ARAP1: variants seen among roughly 807,000 people sequenced by gnomAD.
The protein encoded by ARAP1 is ArfGAP with RhoGAP domain, ankyrin repeat and PH domain 1.
ARAP1 carries 76 observed loss-of-function variants against 172.2 expected under a neutral mutation model. The ratio of observed to expected loss-of-function variants is 0.44; its 90% CI spans 0.37 to 0.53. ARAP1 has a LOEUF of 0.53. ARAP1 is among the 20% of genes least tolerant of loss of function. ARAP1 has a pLI of 0.00. For synonymous variants in ARAP1, 804 were observed against 803.3 expected, an observed-to-expected ratio of 1.00 and a Z score of -0.01; for missense variants, 1,686 against 1,977.5, an observed-to-expected ratio of 0.85 and a Z score of 2.80.
chr11:72,709,824 T>C lies in ARAP1; in HGVS notation c.1523+46A>G, dbSNP rs200617027. The C allele has an allele frequency of 2.4e-4, 378 of 1,591,476 alleles. 1 individual carries two copies. Among genetic ancestry groups the C allele is most frequent in the Non-Finnish European group, 3.1e-4 (357 of 1,160,622 alleles). On this transcript the variant is annotated intron_variant, in intron 11 of 34. Transcript: ENST00000393609. ...CCCACGTCGCGCAAAAGGAAAACAT[T>C]AGGAAGGAGTGAGGATGCCGGTGAG...
At chr11:72,715,474 G>T (rs1272354212) in intron 3 of ARAP1, among the ~76,000 whole-genome samples, 3 of 152,172 alleles carry the variant, frequency 2.0e-5, no homozygotes, top group African/African-American at 7.2e-5. Context: ...CCTGGGGTGT[G>T]GTCATGATGC....
chr11:72,714,459 GTCC>G, intron 3 of ARAP1, 138 bp from the exon 4 acceptor site: 1 of 847,944 alleles, frequency 1.2e-6, no homozygotes, highest in Non-Finnish European at 1.8e-6. Flanking sequence ...CCTGCACACA[GTCC>G]TCCTCAACTC....
chr11:72,709,395 G>A (rs754031871), intron 11 of ARAP1, among the ~76,000 whole-genome samples: 5 of 152,240 alleles, frequency 3.3e-5, no homozygotes, highest in African/African-American at 4.8e-5. Flanking sequence ...CAGAGGTAGC[G>A]GCTGAAGGCC....
chr11:72,721,517 A>G (rs1377649288), intron 3 of ARAP1, among the ~76,000 whole-genome samples: 1 of 152,132 alleles, frequency 6.6e-6, no homozygotes, highest in African/African-American at 2.4e-5. Context: ...AACCCCAAAG[A>G]GGAGTATTCT....
chr11:72,712,478 C>A lies in ARAP1; in HGVS notation c.838G>T (p.Asp280Tyr). ...GEELSGDDQG[D>Y]EEEDDHAYEG... ...TAGGCGTGGTCATCCTCTTCCTCAT[C>A]CCCTTGGTCGTCCCCAGACAGTTCC... The change falls in exon 6 of 35, where the codon GAT becomes TAT. Residue 280 changes from aspartate to tyrosine, a missense_variant. By Grantham distance (160) the Asp-to-Tyr change is radical (BLOSUM62 -3). This residue lies in a region of ARAP1 where 688 missense variants were observed against 856.9 expected (regional missense o/e 0.80). Transcript: ENST00000393609. 1 of 1,608,518 alleles carries A rather than the reference C, an allele frequency of 6.2e-7. No homozygotes were observed.
chr11:72,691,969 C>A (rs1409995273), intron 30 of ARAP1, among the ~76,000 whole-genome samples: 1 of 152,168 alleles, frequency 6.6e-6, no homozygotes, highest in Non-Finnish European at 1.5e-5. Flanking sequence ...CGCACTCTTA[C>A]GAGAATCTAA....
Position 72,741,053 on chromosome 11 carries a change from C to T in ARAP1, c.-127-8456G>A, listed in dbSNP as rs934749938. On this transcript the variant is annotated intron_variant, in intron 1 of 34. Transcript: ENST00000393609. This position sits in a 1 kb window ranked among gnomAD's most constrained non-coding sequence, Gnocchi z 4.5. Reference sequence around the variant, plus strand: ...TTAGGCTTTGTCAAAAAGCCTATCACATACTATGCCCCTCTGGCCCCACCA... The same window carrying T: ...TTAGGCTTTGTCAAAAAGCCTATCATATACTATGCCCCTCTGGCCCCACCA... Among the ~76,000 whole-genome samples the T allele has an allele frequency of 1.3e-5, 2 of 152,214 alleles. No homozygotes were observed. Among genetic ancestry groups the T allele is most frequent in the Non-Finnish European group, 2.9e-5 (2 of 68,020 alleles).
chr11:72,707,552 C>T (rs925576626), intron 11 of ARAP1, among the ~76,000 whole-genome samples, 178 bp from the exon 12 acceptor site: 1 of 152,186 alleles, frequency 6.6e-6, no homozygotes, highest in South Asian at 2.1e-4. Context: ...AACAGGAACA[C>T]AAGAGCGTAT....
At chr11:72,732,008 TTA>T (rs749898625) in intron 2 of ARAP1, among the ~76,000 whole-genome samples, 3 of 152,186 alleles carry the variant, frequency 2.0e-5, no homozygotes, top group South Asian at 2.1e-4. Context: ...TATACATATG[TTA>T]TATATATATG....
intron 13 of ARAP1, chr11:72,705,041 T>C (rs538160241): frequency 3.8e-4 from 58 of 152,448 alleles, no homozygotes; most frequent in African/African-American, 1.4e-3. Context: ...TGAAAGTCAG[T>C]TAATTAACAT....
At chr11:72,697,515 G>T in intron 20 of ARAP1, 29 bp from the exon 21 acceptor site, 1 of 1,612,646 alleles carries the variant, frequency 6.2e-7, no homozygotes, top group Non-Finnish European at 8.5e-7. Context: ...GTCACTGAGG[G>T]GCCTACACCT....
intron 1 of ARAP1, among the ~76,000 whole-genome samples, chr11:72,743,813 C>T (rs1679433603): frequency 6.6e-6 from 1 of 152,014 alleles, no homozygotes; most frequent in African/African-American, 2.4e-5. Flanking sequence ...CAGGGCAGAA[C>T]CACCCCAGAC....
chr11:72,710,663 A>G lies in ARAP1; in HGVS notation c.1214-76T>C, dbSNP rs55746970. On this transcript the variant is annotated intron_variant, in intron 9 of 34. Transcript: ENST00000393609. The surrounding 1 kb of genome is among the most constrained non-coding windows in gnomAD (Gnocchi z 4.3). ...GGGGTCTCCTGGCCCTAGGCTCCTC[A>G]TGCAACACCTCCTCCAGAAAGCCCA... 0.17 allele frequency: 237,308 copies of G among 1,411,700 alleles called. 20,815 individuals carry two copies. Among genetic ancestry groups the G allele is most frequent in the Non-Finnish European group, 0.18 (190,120 of 1,059,104 alleles). The allele number at this position is 1,411,700 out of a possible 1,614,324, so 87.4% of individuals were successfully genotyped here. A position where few individuals can be genotyped will look rare whatever the true frequency, so the allele number is the denominator to read the frequency against.
intron 2 of ARAP1, among the ~76,000 whole-genome samples, chr11:72,727,657 C>G (rs957148730): frequency 6.6e-6 from 1 of 152,218 alleles, no homozygotes; most frequent in Non-Finnish European, 1.5e-5. Context: ...CTCCTGCAAG[C>G]CCAGTCTGGG....
intron 3 of ARAP1, among the ~76,000 whole-genome samples, chr11:72,715,010 A>G (rs1857213035): frequency 6.6e-6 from 1 of 152,150 alleles, no homozygotes; most frequent in Non-Finnish European, 1.5e-5. Context: ...ACGGCCCCAC[A>G]GTGTTCCCAT....
chr11:72,732,003 A>G (rs1226090991), intron 2 of ARAP1, among the ~76,000 whole-genome samples: 1 of 152,212 alleles, frequency 6.6e-6, no homozygotes, highest in Admixed American at 6.5e-5. Context: ...AAAAATATAC[A>G]TATGTTATAT....
intron 11 of ARAP1, among the ~76,000 whole-genome samples, chr11:72,709,064 A>G (rs1004579398): frequency 6.6e-6 from 1 of 150,624 alleles, no homozygotes; most frequent in African/African-American, 2.4e-5. Flanking sequence ...AAAAAAAAAA[A>G]GGAAAGGCAC....
At chr11:72,749,825 T>C (rs1047554150) in intron 1 of ARAP1, among the ~76,000 whole-genome samples, 1 of 151,254 alleles carries the variant, frequency 6.6e-6, no homozygotes, top group Non-Finnish European at 1.5e-5. Context: ...GAGCCAAGAT[T>C]GTGCCACTGC....
intron 1 of ARAP1, among the ~76,000 whole-genome samples, chr11:72,750,810 A>G (rs921736128): frequency 1.1e-4 from 16 of 152,192 alleles, no homozygotes; most frequent in African/African-American, 3.6e-4. Context: ...CAGAGCTCCA[A>G]GGAGACCCTT....
Sources: gnomAD v4.1 joint callset for allele counts (sites outside exome capture counted in the v4.1 genomes callset) on GRCh38, gnomAD v4.1.1 for gene constraint, gnomAD v4.1.1 regional missense constraint, Gnocchi (gnomAD v3.1) non-coding constraint, MANE v1.5 for transcripts, NCBI Gene and HGNC (gene_info 2026-07-23, HGNC 2026-07-21) for gene names.